Variants in ITGAX observed in about 807,000 individuals in gnomAD.
ITGAX encodes integrin alpha-X.
ITGAX carries 99 observed loss-of-function variants against 140.2 expected under a neutral mutation model. The observed-to-expected ratio is 0.71, with a 90% CI of 0.60 to 0.83. ITGAX has a LOEUF of 0.83. ITGAX is among the 40% of genes least tolerant of loss of function. ITGAX has a pLI of 0.00. For missense variants in ITGAX, 1,444 were observed against 1,482.0 expected, an observed-to-expected ratio of 0.97 and a Z score of 0.42; for synonymous variants, 631 against 600.4, an observed-to-expected ratio of 1.05 and a Z score of -0.75.
chr16:31,361,167 G>C lies in ITGAX; in HGVS notation c.966G>C (p.Leu322=). The C allele has an allele frequency of 6.2e-7, 1 of 1,613,724 alleles. No individual in the cohort carries two copies. The highest frequency in any genetic ancestry group is 1.1e-5 in the South Asian group (1 of 90,996). ...HIFKVEDFDA[L]KDIQNQLKEK... ...TTAAAGTGGAGGACTTTGATGCTCT[G>C]AAAGATATTCAAAACCAACTGAAGG... The change falls in exon 9 of 30, where the codon CTG becomes CTC. Residue 322 remains leucine (L), a synonymous_variant. Transcript: ENST00000268296.
In ITGAX at chr16:31,371,230, C is replaced by T. The variant is rs376298831; in HGVS notation, c.1841+16C>T. On this transcript the variant is annotated intron_variant, in intron 15 of 29. Coordinates refer to ENST00000268296, the MANE Select transcript of ITGAX (RefSeq NM_000887.5). ...TCCTGCTCAGGTGAGAGCAGCCTTTCTCAGAGGCTCCCCAGGTGGTCCTAG... is the reference window on the plus strand; with the variant it reads ...TCCTGCTCAGGTGAGAGCAGCCTTTTTCAGAGGCTCCCCAGGTGGTCCTAG... 5.6e-6 allele frequency: 9 copies of T among 1,602,792 alleles called. No homozygotes were observed. The highest frequency in any genetic ancestry group is 2.2e-5 in the South Asian group (2 of 90,112).
Position 31,356,961 on chromosome 16 carries a change from C to A in ITGAX, c.248-70C>A, listed in dbSNP as rs374249543. On this transcript the variant is annotated intron_variant, in intron 3 of 29. Coordinates refer to ENST00000268296, the MANE Select transcript of ITGAX (RefSeq NM_000887.5). ...CTCCTTGTCTCCCAGGTGGAGGTGA[C>A]CCCTGCCCAGCTCTTCCACAGCCTT... The A allele has an allele frequency of 1.6e-5, 22 of 1,361,932 alleles. No homozygotes were observed. In the South Asian group the frequency reaches 2.0e-4, roughly 12 times the overall value. The allele number at this position is 1,361,932 out of a possible 1,614,324, so 84.4% of individuals were successfully genotyped here.
At chr16:31,361,503 C>T (rs953595694) in intron 9 of ITGAX, 2 of 674,024 alleles carry the variant, frequency 3.0e-6, no homozygotes, top group Non-Finnish European at 5.3e-6. Flanking sequence ...GGAGACCCTT[C>T]CACCCACACC....
At chr16:31,368,495 C>G (rs1597073484) in intron 14 of ITGAX, among the ~76,000 whole-genome samples, 1 of 36,750 alleles carries the variant, frequency 2.7e-5, no homozygotes, top group Non-Finnish European at 6.0e-5. Context: ...GAAAGTGTGT[C>G]TCAAAAAAAA....
rs1479560120 is a variant in ITGAX at position 31,360,458 on chromosome 16, A to G, written c.856A>G (p.Ile286Val). 6 of 1,608,354 alleles carry G rather than the reference A, an allele frequency of 3.7e-6. No individual in the cohort carries two copies. The highest frequency in any genetic ancestry group is 3.4e-5 in the Admixed American group (2 of 59,024). Residue 286 changes from isoleucine (I) to valine (V), a missense_variant, in exon 8 of 30, where the codon ATT becomes GTT. Ile to Val is a conservative substitution (Grantham distance 29, BLOSUM62 3). Coordinates refer to ENST00000268296, the MANE Select transcript of ITGAX (RefSeq NM_000887.5). ...TGCAGCAGGCATCATCCGCTATGCAATTGGGGTAGGGCGTGGGATGGCTTC... is the reference window on the plus strand; with the variant it reads ...TGCAGCAGGCATCATCCGCTATGCAGTTGGGGTAGGGCGTGGGATGGCTTC... ...ADAAGIIRYA[I>V]GVGLAFQNRN...
chr16:31,380,147 C>T, intron 26 of ITGAX, 82 bp downstream of exon 26: 2 of 1,537,034 alleles, frequency 1.3e-6, no homozygotes, highest in South Asian at 1.1e-5. Context: ...CCATATCCAT[C>T]CTGCTGAAGT....
intron 3 of ITGAX, 114 bp from the exon 4 acceptor site, chr16:31,356,917 G>C: frequency 1.0e-6 from 1 of 997,064 alleles, no homozygotes. Context: ...AGACCCGACA[G>C]CTTCCTTCAC....
In ITGAX at chr16:31,363,072, G is replaced by A. The variant is rs1239866721; in HGVS notation, c.1497G>A (p.Arg499=). The change falls in exon 13 of 30, where the codon AGG becomes AGA. Residue 499 remains arginine, a synonymous_variant. Transcript: ENST00000268296. ...AGGTGTCTGTGTGTCCCTTGCCCAG[G>A]GGGGTGAGTGGCTGATGGGCCTGGG... ...GGQVSVCPLP[R]GWRRWWCDAV... 8.1e-6 allele frequency: 13 copies of A among 1,610,128 alleles called. No individual in the cohort carries two copies. The African/African-American group carries it at 9.4e-5, about 12-fold the overall frequency.
At chr16:31,360,577 T>C in intron 8 of ITGAX, 114 bp downstream of exon 8, 3 of 1,032,512 alleles carry the variant, frequency 2.9e-6, no homozygotes, top group Non-Finnish European at 2.8e-6. Flanking sequence ...ACCCAGGAAG[T>C]GGTGCAATCC....
rs757607244 is a variant in ITGAX at position 31,372,362 on chromosome 16, G to A, written c.2161-16G>A. On this transcript the variant is annotated splice_polypyrimidine_tract_variant and intron_variant, in intron 17 of 29. Coordinates refer to ENST00000268296, the MANE Select transcript of ITGAX (RefSeq NM_000887.5). ...CCTCCCCTTACCCTCCGCTCCCCGCGACGCCCGTCCCCCAGAGCTGCGTGG... is the reference window on the plus strand; with the variant it reads ...CCTCCCCTTACCCTCCGCTCCCCGCAACGCCCGTCCCCCAGAGCTGCGTGG... 1.8e-5 allele frequency: 29 copies of A among 1,589,794 alleles called. No individual in the cohort carries two copies. The highest frequency in any genetic ancestry group is 3.9e-5 in the Admixed American group (2 of 50,808).
chr16:31,380,538 G>A lies in ITGAX; in HGVS notation c.3190G>A (p.Val1064Met). The A allele has an allele frequency of 1.2e-6, 2 of 1,614,248 alleles. No homozygotes were observed. Among genetic ancestry groups the A allele is most frequent in the Non-Finnish European group, 8.5e-7 (1 of 1,180,052 alleles). ...GWVRQILQKK[V>M]SVVSVAEITF... ...CCCTTTGCAGATATTGCAGAAGAAG[G>A]TGTCGGTCGTGAGTGTGGCTGAAAT... The change falls in exon 28 of 30, where the codon GTG (valine) becomes ATG (methionine). Residue 1064 changes from valine to methionine, a missense_variant. Physicochemically the swap from Val to Met is conservative, Grantham distance 21. Transcript: ENST00000268296.
chr16:31,355,245 CCTT>C lies in ITGAX; in HGVS notation c.-7_-5del. ...CAGGAGCTCAGAGCTCCACATCTGA[CCTT>C]CTAGTCATGACCAGGACCAGGGCAG... On this transcript the variant is annotated 5_prime_UTR_variant, in exon 1 of 30. Transcript: ENST00000268296. 1.9e-6 allele frequency: 3 copies of C among 1,613,806 alleles called. No homozygotes were observed. Among genetic ancestry groups the C allele is most frequent in the African/African-American group, 1.3e-5 (1 of 75,056 alleles).
intron 23 of ITGAX, among the ~76,000 whole-genome samples, 176 bp from the exon 24 acceptor site, chr16:31,379,392 C>T (rs1404754031): frequency 1.3e-5 from 2 of 152,156 alleles, no homozygotes; most frequent in African/African-American, 4.8e-5. Context: ...GCTGGGATTA[C>T]AGGCCTGAGC....
chr16:31,357,087 C>A lies in ITGAX; in HGVS notation c.304C>A (p.Pro102Thr). ...LGLSLASTTS[P>T]SQLLACGPTV... ...CCTGTCCCTGGCGTCTACCACCAGC[C>A]CTTCCCAGCTGCTGGTGAGTGGCCC... Residue 102 changes from proline to threonine, a missense_variant, in exon 4 of 30, where the codon CCT becomes ACT. Transcript: ENST00000268296. 1 of 1,607,520 alleles carries A rather than the reference C, an allele frequency of 6.2e-7. No homozygotes were observed. Among genetic ancestry groups the A allele is most frequent in the South Asian group, 1.1e-5 (1 of 90,746 alleles).
rs187555173 is a variant in ITGAX, at chr16:31,376,787, T to G, written c.2509-12T>G. On this transcript the variant is annotated splice_polypyrimidine_tract_variant and intron_variant, in intron 20 of 29. Coordinates refer to ENST00000268296, the MANE Select transcript of ITGAX (RefSeq NM_000887.5). The stretch of plus-strand genomic sequence containing the variant: ...TTTCAACTAATACTCCTCTACTTTT[T>G]CTCATGCCTAGAAACAAGGGCAGCT... The G allele has an allele frequency of 9.3e-6, 15 of 1,613,442 alleles. No individual in the cohort carries two copies. The Admixed American group carries it at 2.0e-4, about 22-fold the overall frequency.
At chr16:31,379,516 C>A in intron 23 of ITGAX, 52 bp from the exon 24 acceptor site, 1 of 1,521,150 alleles carries the variant, frequency 6.6e-7, no homozygotes, top group Non-Finnish European at 8.9e-7. Context: ...CCAATGCCTT[C>A]TGCAGATGCC....
In ITGAX at chr16:31,357,363, G is replaced by A; in HGVS notation, c.429G>A (p.Gln143=). The part of the protein sequence containing the change: ...QLTQRLPVSR[Q]ECPRQEQDIV... ...CCCAGAGGCTCCCGGTGTCCAGGCAGGGTGAGTGTCGGGACCACCAAGGCT... is the reference window on the plus strand; with the variant it reads ...CCCAGAGGCTCCCGGTGTCCAGGCAAGGTGAGTGTCGGGACCACCAAGGCT... The change falls in exon 5 of 30, where the codon CAG becomes CAA. Residue 143 remains glutamine (Q), a splice_region_variant and synonymous_variant. Coordinates refer to ENST00000268296, the MANE Select transcript of ITGAX (RefSeq NM_000887.5). The A allele has an allele frequency of 1.9e-6, 3 of 1,593,682 alleles. No individual in the cohort carries two copies. Among genetic ancestry groups the A allele is most frequent in the Non-Finnish European group, 2.6e-6 (3 of 1,169,770 alleles).
Position 31,380,423 on chromosome 16 carries a change from G to T in ITGAX, c.3174+44G>T, listed in dbSNP as rs1273596233. On this transcript the variant is annotated intron_variant, in intron 27 of 29. Transcript: ENST00000268296. ...AGAGCCCCTGCCCCAGACTCAGGCG[G>T]GACCTGGCATGTCTGTGCCCATCTG... 1.9e-6 allele frequency: 3 copies of T among 1,610,770 alleles called. No individual in the cohort carries two copies. The African/African-American group carries it at 4.0e-5, about 22-fold the overall frequency.
In ITGAX at chr16:31,380,909, C is replaced by T; in HGVS notation, c.3289C>T (p.Leu1097=). The T allele has an allele frequency of 6.2e-7, 1 of 1,613,978 alleles. No homozygotes were observed. The highest frequency in any genetic ancestry group is 1.3e-5 in the African/African-American group (1 of 75,010). The change falls in exon 29 of 30, where the codon CTG becomes TTG. Residue 1097 remains leucine (L), a synonymous_variant. Transcript: ENST00000268296. ...ACTTCCACTTCAGACGACAACGGTG[C>T]TGGAGAAGTACAAGGTCCACAACCC... ...AFMRAQTTTV[L]EKYKVHNPTP...
Sources: allele counts gnomAD v4.1 joint callset (sites outside exome capture counted in the v4.1 genomes callset), GRCh38; gene constraint gnomAD v4.1.1; transcripts MANE v1.5; gene names NCBI Gene and HGNC (gene_info 2026-07-23, HGNC 2026-07-21).